The following PRKCE variants were observed in gnomAD, a reference collection of about 807,000 sequenced individuals.
PRKCE encodes the protein protein kinase C epsilon type.
A neutral mutation model predicts 85.4 loss-of-function variants in PRKCE; 16 were observed. The observed-to-expected ratio is 0.19, with a 90% CI of 0.13 to 0.28. The LOEUF (loss-of-function observed/expected upper bound fraction) is 0.28. Ranked by LOEUF, PRKCE falls within the 10% of genes least tolerant of loss-of-function variation. The pLI, the probability that PRKCE is intolerant of heterozygous loss-of-function variation, is 1.00. For missense variants in PRKCE, 573 were observed against 975.2 expected (o/e 0.59, Z 5.49); for synonymous variants, 388 against 371.5 (o/e 1.04, Z -0.51).
At chr2:45,912,192 C>A (rs1259507850) in intron 2 of PRKCE, among the ~76,000 whole-genome samples, 7 of 152,082 alleles carry the variant, frequency 4.6e-5, no homozygotes, top group African/African-American at 1.4e-4. Context: ...CTTTGATAAT[C>A]CCTGGAGTCT....
intron 2 of PRKCE, among the ~76,000 whole-genome samples, chr2:45,942,083 G>T (rs1189264368): frequency 2.0e-5 from 3 of 152,184 alleles, no homozygotes; most frequent in African/African-American, 7.2e-5. Flanking sequence ...GGCACCTCTG[G>T]CATGGTCCAT....
intron 1 of PRKCE, among the ~76,000 whole-genome samples, chr2:45,768,739 T>A (rs1685098096): frequency 6.6e-6 from 1 of 152,266 alleles, no homozygotes; most frequent in Admixed American, 6.5e-5. Flanking sequence ...TTTCTACTAC[T>A]GATTTTCTCT....
intron 2 of PRKCE, among the ~76,000 whole-genome samples, chr2:45,928,966 G>A (rs1397681825): frequency 6.6e-6 from 1 of 152,158 alleles, no homozygotes; most frequent in African/African-American, 2.4e-5. Flanking sequence ...TTGTAGGCGG[G>A]AGCAGCCTTT....
At chr2:46,143,558 G>T (rs1403489646) in intron 11 of PRKCE, among the ~76,000 whole-genome samples, 1 of 152,206 alleles carries the variant, frequency 6.6e-6, no homozygotes, top group South Asian at 2.1e-4. Flanking sequence ...CACCAGATAA[G>T]GTCACAGACC....
chr2:45,713,320 G>T (rs1017660831), intron 1 of PRKCE, among the ~76,000 whole-genome samples: 4 of 152,172 alleles, frequency 2.6e-5, no homozygotes, highest in Non-Finnish European at 5.9e-5. Context: ...CCTGAGGGTG[G>T]CTAATAATGT....
At chr2:45,929,005 G>T (rs1698839779) in intron 2 of PRKCE, among the ~76,000 whole-genome samples, 1 of 152,122 alleles carries the variant, frequency 6.6e-6, no homozygotes, top group Admixed American at 6.5e-5. Flanking sequence ...AGTTCAATTT[G>T]GAATTGTGCG....
chr2:45,922,030 A>T (rs1698287288), intron 2 of PRKCE, among the ~76,000 whole-genome samples: 1 of 152,196 alleles, frequency 6.6e-6, no homozygotes, highest in Non-Finnish European at 1.5e-5. Context: ...TGAGATCACA[A>T]AAACAAGCCC....
chr2:45,961,887 G>T (rs772371338), intron 2 of PRKCE, among the ~76,000 whole-genome samples: 11 of 152,114 alleles, frequency 7.2e-5, no homozygotes, highest in Non-Finnish European at 1.5e-4. Context: ...TAGAGACGGG[G>T]TTTCTCCATG....
intron 1 of PRKCE, among the ~76,000 whole-genome samples, chr2:45,754,119 T>G (rs1369046582): frequency 6.6e-6 from 1 of 152,166 alleles, no homozygotes; most frequent in East Asian, 1.9e-4. Flanking sequence ...GCTAGCTAGT[T>G]GCAACAAGTG....
chr2:45,659,641 C>A (rs1675542323), intron 1 of PRKCE, among the ~76,000 whole-genome samples: 1 of 152,212 alleles, frequency 6.6e-6, no homozygotes, highest in Non-Finnish European at 1.5e-5. Flanking sequence ...ACCCACTTGA[C>A]ACCCCTTAAA....
chr2:45,651,885 C>T lies in PRKCE; in HGVS notation c.-216C>T, dbSNP rs920056911. 1.2e-5 allele frequency: 6 copies of T among 492,964 alleles called. No homozygotes were observed. The highest frequency in any genetic ancestry group is 5.3e-4 in the Middle Eastern group (1 of 1,890). 30.5% of individuals were successfully genotyped at this position (492,964 alleles called of 1,614,324 possible). Reference sequence around the variant, plus strand: ...ACACGGACATCCCCCAGCTCTCCCCCCTCCCTGTTTTCCGTTAGGAACCCG... The same window carrying T: ...ACACGGACATCCCCCAGCTCTCCCCTCTCCCTGTTTTCCGTTAGGAACCCG... On this transcript the variant is annotated 5_prime_UTR_variant, in exon 1 of 15. Transcript: ENST00000306156.
At chr2:45,898,948 C>T (rs926843808) in intron 2 of PRKCE, among the ~76,000 whole-genome samples, 1 of 152,208 alleles carries the variant, frequency 6.6e-6, no homozygotes, top group Non-Finnish European at 1.5e-5. Context: ...AAGAAAGCAG[C>T]CCCCAATCTT....
chr2:45,999,182 C>G (rs903593916), intron 6 of PRKCE, among the ~76,000 whole-genome samples: 5 of 152,154 alleles, frequency 3.3e-5, no homozygotes, highest in Admixed American at 2.0e-4. Context: ...TTTACCTGCT[C>G]TCTTTTTCAT....
chr2:46,023,053 G>A (rs1044676833), intron 10 of PRKCE, among the ~76,000 whole-genome samples: 1 of 130,506 alleles, frequency 7.7e-6, no homozygotes. Flanking sequence ...ACTGCAGTCC[G>A]CAGTCCGTCC....
At chr2:45,772,701 AC>A (rs1418355477) in intron 1 of PRKCE, among the ~76,000 whole-genome samples, 2 of 152,116 alleles carry the variant, frequency 1.3e-5, no homozygotes, top group Non-Finnish European at 2.9e-5. Context: ...AGCATCTGCC[AC>A]ATGCTCAGCA....
In PRKCE at chr2:45,884,995, A is replaced by ATTTTTT. The variant is rs1210402363; in HGVS notation, c.412+41933_412+41934insTTTTTT. ...TATATATATATATATATATATATATATATATATTTGTTGTTGTTGTTGTTG... is the reference window on the plus strand; with the variant it reads ...TATATATATATATATATATATATATATTTTTTTATATATTTGTTGTTGTTGTTGTTG... On this transcript the variant is annotated intron_variant, in intron 2 of 14. Coordinates refer to ENST00000306156, the MANE Select transcript of PRKCE (RefSeq NM_005400.3). Among the ~76,000 whole-genome samples the ATTTTTT allele has an allele frequency of 1.9e-4, 13 of 70,252 alleles. 1 individual carries two copies. In the East Asian group the frequency reaches 3.0e-3, roughly 16 times the overall value. The allele number at this position is 70,252 out of a possible 152,430, so 46.1% of individuals were successfully genotyped here.
At chr2:45,750,747 T>G (rs748300728) in intron 1 of PRKCE, among the ~76,000 whole-genome samples, 6 of 152,176 alleles carry the variant, frequency 3.9e-5, no homozygotes, top group Non-Finnish European at 5.9e-5. Context: ...TACATGGAAG[T>G]ATATAGAACA....
At chr2:45,720,588 C>A (rs1573059606) in intron 1 of PRKCE, among the ~76,000 whole-genome samples, 1 of 152,194 alleles carries the variant, frequency 6.6e-6, no homozygotes, top group Non-Finnish European at 1.5e-5. Flanking sequence ...TGCCCACATT[C>A]ACTTCCAAAT....
At chr2:45,961,468 G>A (rs773569881) in intron 2 of PRKCE, among the ~76,000 whole-genome samples, 1 of 152,160 alleles carries the variant, frequency 6.6e-6, no homozygotes, top group Non-Finnish European at 1.5e-5. Context: ...GGGCTGCAAT[G>A]CCTATGGCAC....
Sources: allele counts gnomAD v4.1 joint callset (sites outside exome capture counted in the v4.1 genomes callset), GRCh38; gene constraint gnomAD v4.1.1; transcripts MANE v1.5; gene names NCBI Gene and HGNC (gene_info 2026-07-23, HGNC 2026-07-21).